MICU2: variants seen among roughly 807,000 people sequenced by gnomAD.
MICU2 encodes calcium uptake protein 2, mitochondrial.
In MICU2, 64 loss-of-function variants were observed where a neutral mutation model predicts 60.4. The ratio of observed to expected loss-of-function variants is 1.06; its 90% confidence interval spans 0.87 to 1.31. MICU2 has a LOEUF of 1.31. MICU2 is among the 50% of genes most tolerant of loss of function. MICU2 has a pLI of 0.00. For synonymous variants in MICU2, 201 were observed against 175.0 expected (o/e 1.15, Z -1.17); for missense variants, 569 against 531.0 (o/e 1.07, Z -0.70).
chr13:21,524,305 T>C (rs566107679), intron 4 of MICU2, among the ~76,000 whole-genome samples: 3 of 152,282 alleles, frequency 2.0e-5, no homozygotes, highest in Admixed American at 1.3e-4. Context: ...TATCAATTCA[T>C]GGCAGGTCTT....
chr13:21,587,730 G>C (rs1416953500), intron 1 of MICU2, among the ~76,000 whole-genome samples: 2 of 152,142 alleles, frequency 1.3e-5, no homozygotes, highest in Non-Finnish European at 2.9e-5. Context: ...TCACTTAACA[G>C]TCATTAATTA....
chr13:21,550,412 C>T (rs917228796), intron 2 of MICU2, among the ~76,000 whole-genome samples: 11 of 152,138 alleles, frequency 7.2e-5, no homozygotes, highest in Non-Finnish European at 1.6e-4. Context: ...GCGGCATGTG[C>T]CTGTAGTCCC....
intron 6 of MICU2, among the ~76,000 whole-genome samples, chr13:21,519,994 T>G (rs916288928): frequency 3.3e-5 from 5 of 152,234 alleles, no homozygotes; most frequent in Admixed American, 6.5e-5. Context: ...GAAAGTTCTC[T>G]CATTTTTCTT....
intron 9 of MICU2, among the ~76,000 whole-genome samples, chr13:21,498,513 G>C (rs1886060222): frequency 6.6e-6 from 1 of 151,302 alleles, no homozygotes; most frequent in African/African-American, 2.4e-5. Flanking sequence ...TGAGTAGCTA[G>C]GACTGCAGGC....
intron 4 of MICU2, among the ~76,000 whole-genome samples, chr13:21,533,381 T>G (rs923071644): frequency 2.0e-5 from 3 of 150,932 alleles, no homozygotes; most frequent in African/African-American, 7.3e-5. Context: ...TGGAGTGCAG[T>G]GGCGCAATCT....
Position 21,539,658 on chromosome 13 carries a change from T to G in MICU2, c.389A>C (p.Lys130Thr). The G allele has an allele frequency of 6.2e-7, 1 of 1,613,816 alleles. No individual in the cohort carries two copies. The highest frequency in any genetic ancestry group is 8.5e-7 in the Non-Finnish European group (1 of 1,179,788). ...RKTSVKKLTK[K>T]DIEDTLSGIQ... The stretch of plus-strand genomic sequence containing the variant: ...TGCCCCCCACAACATGATGCTTACC[T>G]TTTTTGTCAGCTTCTTGACTGAAGT... The change falls in exon 3 of 12, where the codon AAG (lysine) becomes ACG (threonine). Residue 130 changes from lysine to threonine, a missense_variant and splice_region_variant. Lys to Thr is a moderately conservative substitution (Grantham distance 78). Coordinates refer to ENST00000382374, the MANE Select transcript of MICU2 (RefSeq NM_152726.3).
Position 21,496,091 on chromosome 13 carries a change from T to C in MICU2, c.1003A>G (p.Met335Val). The C allele has an allele frequency of 1.9e-6, 3 of 1,614,108 alleles. No individual in the cohort carries two copies. The highest frequency in any genetic ancestry group is 2.5e-6 in the Non-Finnish European group (3 of 1,179,990). The change falls in exon 10 of 12, where the codon ATG (methionine) becomes GTG (valine). Residue 335 changes from methionine (M) to valine (V), a missense_variant. Physicochemically the swap from Met to Val is conservative, Grantham distance 21. Coordinates refer to ENST00000382374, the MANE Select transcript of MICU2 (RefSeq NM_152726.3). ...CGATGAGCTAAACTGAACATCTGCATGGCAATAGCAAAGTCTTCCAAGTGG... is the reference window on the plus strand; with the variant it reads ...CGATGAGCTAAACTGAACATCTGCACGGCAATAGCAAAGTCTTCCAAGTGG... ...TTHLEDFAIA[M>V]QMFSLAHRPV... is the part of the protein sequence containing the mutation.
chr13:21,518,264 A>C (rs1252867297), intron 6 of MICU2, among the ~76,000 whole-genome samples: 1 of 152,240 alleles, frequency 6.6e-6, no homozygotes, highest in Non-Finnish European at 1.5e-5. Context: ...TAAGGACTGT[A>C]TGGTAAAAGG....
intron 8 of MICU2, among the ~76,000 whole-genome samples, chr13:21,508,839 C>G (rs1031683090): frequency 1.3e-5 from 2 of 152,200 alleles, no homozygotes; most frequent in Admixed American, 6.5e-5. Flanking sequence ...AAAGCCTTCC[C>G]TGATCACCTA....
At chr13:21,528,445 T>A (rs1886908286) in intron 4 of MICU2, among the ~76,000 whole-genome samples, 1 of 152,218 alleles carries the variant, frequency 6.6e-6, no homozygotes. Context: ...AAAAAGTAAC[T>A]GTTGTCTTTC....
chr13:21,581,276 C>A (rs1291517198), intron 1 of MICU2, among the ~76,000 whole-genome samples: 2 of 152,110 alleles, frequency 1.3e-5, no homozygotes, highest in African/African-American at 2.4e-5. Flanking sequence ...CACCACCACA[C>A]CAGGCTAATT....
chr13:21,501,317 C>T (rs1886146746), intron 9 of MICU2, among the ~76,000 whole-genome samples: 1 of 151,638 alleles, frequency 6.6e-6, no homozygotes. Flanking sequence ...GGCTGGAGTG[C>T]AGTGGCGCAA....
chr13:21,531,792 CA>C (rs927662070), intron 4 of MICU2, among the ~76,000 whole-genome samples: 1 of 151,482 alleles, frequency 6.6e-6, no homozygotes, highest in South Asian at 2.1e-4. Flanking sequence ...CAACTAATGC[CA>C]AAAAAACGGT....
chr13:21,553,777 C>A (rs995794422), intron 2 of MICU2, among the ~76,000 whole-genome samples: 3 of 152,112 alleles, frequency 2.0e-5, no homozygotes, highest in Non-Finnish European at 2.9e-5. Flanking sequence ...GTGCTGTATT[C>A]AGGAAACCCG....
intron 1 of MICU2, among the ~76,000 whole-genome samples, chr13:21,587,706 A>G (rs1888489241): frequency 6.6e-6 from 1 of 152,228 alleles, no homozygotes; most frequent in Admixed American, 6.5e-5. Flanking sequence ...CTTACCATTC[A>G]TTCAACCACT....
intron 2 of MICU2, among the ~76,000 whole-genome samples, chr13:21,565,635 G>A (rs534919008): frequency 6.6e-6 from 1 of 152,308 alleles, no homozygotes; most frequent in South Asian, 2.1e-4. Flanking sequence ...TCCAGCCTGG[G>A]CGACAGAGCG....
rs1186303125 is a variant in MICU2, at chr13:21,604,106, C to G, written c.43G>C (p.Gly15Arg). The G allele has an allele frequency of 1.3e-6, 2 of 1,585,322 alleles. No homozygotes were observed. Among genetic ancestry groups the G allele is most frequent in the African/African-American group, 1.4e-5 (1 of 73,358 alleles). ...GCGAGCCCCCGTCGCAGTTTTCCGC[C>G]CCAGGCCGCCACCCGCGCGCAGCTA... ...AGSCARVAAW[G>R]GKLRRGLAVS... Residue 15 changes from glycine to arginine, a missense_variant, in exon 1 of 12, where the codon GGC becomes CGC. Coordinates refer to ENST00000382374, the MANE Select transcript of MICU2 (RefSeq NM_152726.3).
At chr13:21,508,376 G>A (rs933676898) in intron 8 of MICU2, among the ~76,000 whole-genome samples, 28 of 151,838 alleles carry the variant, frequency 1.8e-4, no homozygotes, top group Admixed American at 1.1e-3. Context: ...CCACCACCTC[G>A]GCCTTCCAAA....
chr13:21,549,640 T>A (rs1185602229), intron 2 of MICU2, among the ~76,000 whole-genome samples: 2 of 152,160 alleles, frequency 1.3e-5, no homozygotes, highest in Non-Finnish European at 2.9e-5. Flanking sequence ...TCTCATGTTG[T>A]AAGTTTAAAT....
Sources: allele counts gnomAD v4.1 joint callset (sites outside exome capture counted in the v4.1 genomes callset), GRCh38; gene constraint gnomAD v4.1.1; transcripts MANE v1.5; gene names NCBI Gene and HGNC (gene_info 2026-07-23, HGNC 2026-07-21).